Variants in C2CD5 observed in about 807,000 individuals in gnomAD.
C2CD5 encodes C2 calcium dependent domain containing 5.
Under a neutral mutation model 130.3 loss-of-function variants are expected in C2CD5, and 109 were observed. The observed-to-expected ratio is 0.84, with a 90% CI of 0.72 to 0.98. The LOEUF is 0.98. C2CD5 is among the 50% of genes least tolerant of loss of function. The pLI, the probability that C2CD5 is intolerant of heterozygous loss-of-function variation, is 0.00. For synonymous variants in C2CD5, 454 were observed against 429.2 expected, an observed-to-expected ratio of 1.06 and a Z score of -0.71; for missense variants, 996 against 1,261.8, an observed-to-expected ratio of 0.79 and a Z score of 3.19.
chr12:22,479,518 C>T (rs1379844285), intron 14 of C2CD5, among the ~76,000 whole-genome samples: 2 of 152,036 alleles, frequency 1.3e-5, no homozygotes, highest in African/African-American at 4.8e-5. Context: ...TTTTGCAAGG[C>T]AAGAGACTGA....
In C2CD5 at chr12:22,486,023, A is replaced by G. The variant is rs78412860; in HGVS notation, c.1359-1135T>C. 9.6e-3 allele frequency among the ~76,000 whole-genome samples: 1,464 copies of G among 152,156 alleles called. 32 individuals are homozygous for G. The highest frequency in any genetic ancestry group is 0.033 in the African/African-American group (1,387 of 41,528). ...ATCAAAACATTTCTAAAATAACCAA[A>G]GTTATTATACTTAAGTCCTGTTAAG... On this transcript the variant is annotated intron_variant, in intron 12 of 26. Transcript: ENST00000446597.
chr12:22,493,118 T>G (rs1952133163), intron 11 of C2CD5, 105 bp downstream of exon 11: 1 of 665,914 alleles, frequency 1.5e-6, no homozygotes, highest in East Asian at 2.6e-5. Context: ...CCCATGCTCC[T>G]GAACACTTCG....
rs183300770 is a variant in C2CD5, at chr12:22,494,307, T to C, written c.1148-970A>G. On this transcript the variant is annotated intron_variant, in intron 10 of 26. Transcript: ENST00000446597. ...CTCTAGATAGAATGCTAAGCTCTCA[T>C]TGTAATTTTTCCATATAAAAGCCAC... Among the ~76,000 whole-genome samples the C allele has an allele frequency of 2.8e-3, 424 of 152,244 alleles. 3 individuals are homozygous for C. The highest frequency in any genetic ancestry group is 0.01 in the African/African-American group (419 of 41,566).
intron 4 of C2CD5, among the ~76,000 whole-genome samples, chr12:22,527,140 G>A (rs992824865): frequency 1.3e-5 from 2 of 151,926 alleles, no homozygotes; most frequent in East Asian, 1.9e-4. Context: ...GTTTGAAAAT[G>A]TGTTTTAGAA....
chr12:22,503,658 T>C (rs1948094177), intron 10 of C2CD5, among the ~76,000 whole-genome samples: 1 of 151,890 alleles, frequency 6.6e-6, no homozygotes. Context: ...CCACAGACAA[T>C]GTACCACCAG....
intron 17 of C2CD5, 73 bp from the exon 18 acceptor site, chr12:22,472,420 T>A (rs529036598): frequency 2.4e-6 from 2 of 836,200 alleles, no homozygotes; most frequent in South Asian, 3.3e-5. Context: ...CATTTTTCAA[T>A]TATTATATGA....
At chr12:22,450,462 C>A (rs1226985892) in intron 26 of C2CD5, among the ~76,000 whole-genome samples, 1 of 152,072 alleles carries the variant, frequency 6.6e-6, no homozygotes, top group Non-Finnish European at 1.5e-5. Context: ...GTGGAATATT[C>A]ATGCCTGAAA....
chr12:22,487,864 A>C (rs1206068158), intron 12 of C2CD5, among the ~76,000 whole-genome samples: 2 of 152,190 alleles, frequency 1.3e-5, no homozygotes, highest in Admixed American at 1.3e-4. Context: ...ATGGAATACT[A>C]TGCAGCCATA....
At chr12:22,467,699 T>A (rs111476332) in intron 22 of C2CD5, among the ~76,000 whole-genome samples, 1 of 152,206 alleles carries the variant, frequency 6.6e-6, no homozygotes, top group African/African-American at 2.4e-5. Context: ...TTTTCCAACC[T>A]ACCTCACGGT....
At chr12:22,524,956 AATTAT>A (rs1950598255) in intron 5 of C2CD5, among the ~76,000 whole-genome samples, 1 of 111,958 alleles carries the variant, frequency 8.9e-6, no homozygotes, top group Admixed American at 7.7e-5. Flanking sequence ...TCAGCTAGCT[AATTAT>A]TATATAAATA....
intron 10 of C2CD5, chr12:22,497,471 T>C (rs1045601577): frequency 8.5e-5 from 16 of 187,776 alleles, no homozygotes; most frequent in Admixed American, 7.2e-4. Flanking sequence ...CAATCTAATT[T>C]ATAAATCAAC....
chr12:22,519,438 G>A (rs1052815140), intron 7 of C2CD5, among the ~76,000 whole-genome samples: 10 of 151,848 alleles, frequency 6.6e-5, no homozygotes, highest in Admixed American at 2.6e-4. Flanking sequence ...TAAAGTATCC[G>A]ATTAATAAAT....
At chr12:22,543,965 A>AG in intron 2 of C2CD5, 96 bp downstream of exon 2, 1 of 905,642 alleles carries the variant, frequency 1.1e-6, no homozygotes, top group Admixed American at 1.9e-5. Context: ...AGGGCAGTCG[A>AG]GGGGGGAATA....
chr12:22,516,456 A>C (rs1949732067), intron 8 of C2CD5, among the ~76,000 whole-genome samples: 1 of 151,674 alleles, frequency 6.6e-6, no homozygotes, highest in South Asian at 2.1e-4. Context: ...ATTTGAGAAT[A>C]AATTTTTTTA....
intron 12 of C2CD5, among the ~76,000 whole-genome samples, chr12:22,488,620 A>T (rs1163780660): frequency 6.6e-6 from 1 of 152,130 alleles, no homozygotes; most frequent in African/African-American, 2.4e-5. Context: ...ATATTGTATC[A>T]CTGGTACAAC....
At chr12:22,466,302 A>T (rs1024622178) in intron 22 of C2CD5, among the ~76,000 whole-genome samples, 2 of 146,924 alleles carry the variant, frequency 1.4e-5, no homozygotes, top group African/African-American at 5.5e-5. Flanking sequence ...AGTTACTGAA[A>T]GTAAAAAAAA....
At chr12:22,533,020 A>G (rs1951455535) in intron 3 of C2CD5, among the ~76,000 whole-genome samples, 1 of 152,180 alleles carries the variant, frequency 6.6e-6, no homozygotes, top group African/African-American at 2.4e-5. Context: ...GAAATGGGCA[A>G]TATGTGTGGT....
At chr12:22,495,666 T>G (rs530363943) in intron 10 of C2CD5, among the ~76,000 whole-genome samples, 1 of 151,960 alleles carries the variant, frequency 6.6e-6, no homozygotes, top group Non-Finnish European at 1.5e-5. Context: ...CAATTGCACA[T>G]GAGGATGCCA....
At chr12:22,524,396 G>A (rs1482616651) in intron 6 of C2CD5, 76 bp downstream of exon 6, 1 of 1,183,732 alleles carries the variant, frequency 8.4e-7, no homozygotes, top group African/African-American at 1.5e-5. Context: ...TAAAGTTGAG[G>A]TAGCATGTCA....
Sources: allele counts gnomAD v4.1 joint callset (sites outside exome capture counted in the v4.1 genomes callset), GRCh38; gene constraint gnomAD v4.1.1; transcripts MANE v1.5; gene names NCBI Gene and HGNC (gene_info 2026-07-23, HGNC 2026-07-21).